Variants in ZNF609 observed in about 807,000 individuals in gnomAD.
The protein encoded by ZNF609 is zinc finger protein 609.
ZNF609 carries 11 observed loss-of-function variants against 109.5 expected under a neutral mutation model. The ratio of observed to expected loss-of-function variants is 0.10; its 90% CI spans 0.06 to 0.17. The LOEUF is 0.17. ZNF609 is among the 10% of genes least tolerant of loss of function. The probability of loss-of-function intolerance (pLI) is 1.00; values close to 1 mark genes in which losing one functional copy is unlikely to be tolerated. For synonymous variants in ZNF609, 646 were observed against 662.0 expected (o/e 0.98, Z 0.37); for missense variants, 1,559 against 1,772.4 (o/e 0.88, Z 2.16).
chr15:64,524,431 G>A (rs1038034609), intron 2 of ZNF609, among the ~76,000 whole-genome samples: 10 of 152,140 alleles, frequency 6.6e-5, no homozygotes, highest in Non-Finnish European at 1.0e-4. Flanking sequence ...GGGCGTGGTG[G>A]CACATGCCTG....
intron 5 of ZNF609, 21 bp from the exon 6 acceptor site, chr15:64,678,095 G>C: frequency 6.2e-7 from 1 of 1,603,500 alleles, no homozygotes; most frequent in Admixed American, 1.7e-5. Context: ...ACACCCAGTC[G>C]TTGTTCTGTG....
At chr15:64,676,317 A>G (rs201290863) in intron 5 of ZNF609, 61 bp downstream of exon 5, 1 of 1,494,964 alleles carries the variant, frequency 6.7e-7, no homozygotes, top group African/African-American at 1.4e-5. Flanking sequence ...CTTCCTCACA[A>G]ATAAGGGCTG....
chr15:64,489,331 A>G (rs1470811622), intron 1 of ZNF609, among the ~76,000 whole-genome samples: 1 of 151,428 alleles, frequency 6.6e-6, no homozygotes, highest in African/African-American at 2.4e-5. Context: ...GATTACAGGC[A>G]CCTGCCACCG....
chr15:64,463,096 T>C (rs1892965438), intron 1 of ZNF609, among the ~76,000 whole-genome samples: 1 of 151,922 alleles, frequency 6.6e-6, no homozygotes, highest in Non-Finnish European at 1.5e-5. Flanking sequence ...TCTACAAAAA[T>C]TTAAAAAAAT....
intron 2 of ZNF609, among the ~76,000 whole-genome samples, chr15:64,602,186 T>C (rs1895508287): frequency 6.6e-6 from 1 of 152,226 alleles, no homozygotes; most frequent in African/African-American, 2.4e-5. Flanking sequence ...CTAGAACTTC[T>C]TGCTAAGTTT....
At chr15:64,553,700 G>A (rs888721685) in intron 2 of ZNF609, among the ~76,000 whole-genome samples, 1 of 151,836 alleles carries the variant, frequency 6.6e-6, no homozygotes, top group African/African-American at 2.4e-5. Context: ...CTGGGTTCAC[G>A]CCATTCTCCT....
intron 2 of ZNF609, among the ~76,000 whole-genome samples, chr15:64,517,331 C>A (rs1284999108): frequency 6.6e-6 from 1 of 152,148 alleles, no homozygotes; most frequent in Admixed American, 6.5e-5. Context: ...GAGCCGAGAT[C>A]ATGCCACTGC....
At chr15:64,488,860 C>T (rs138656656) in intron 1 of ZNF609, among the ~76,000 whole-genome samples, 68 of 151,142 alleles carry the variant, frequency 4.5e-4, no homozygotes, top group Admixed American at 9.9e-4. Context: ...ATCTCTTGAA[C>T]GCAGGAGTTT....
chr15:64,624,808 G>A (rs1895927563), intron 3 of ZNF609, among the ~76,000 whole-genome samples: 1 of 142,342 alleles, frequency 7.0e-6, no homozygotes. Flanking sequence ...CACCCAGGCT[G>A]GAGTACAGTG....
intron 1 of ZNF609, among the ~76,000 whole-genome samples, chr15:64,491,577 G>A (rs1034721618): frequency 6.6e-6 from 1 of 152,140 alleles, no homozygotes; most frequent in South Asian, 2.1e-4. Context: ...TGCCGGGTGT[G>A]GTGGCTCACG....
chr15:64,597,690 C>T (rs1895420388), intron 2 of ZNF609, among the ~76,000 whole-genome samples: 1 of 152,150 alleles, frequency 6.6e-6, no homozygotes. Flanking sequence ...GTGGAAGATG[C>T]TGCTTGGTTC....
chr15:64,484,385 T>A (rs1893300964), intron 1 of ZNF609, among the ~76,000 whole-genome samples: 1 of 152,036 alleles, frequency 6.6e-6, no homozygotes, highest in African/African-American at 2.4e-5. Flanking sequence ...CCAGTAGAAA[T>A]TAAGAATCTT....
intron 2 of ZNF609, among the ~76,000 whole-genome samples, chr15:64,615,535 G>A (rs910244736): frequency 4.1e-5 from 6 of 146,402 alleles, no homozygotes; most frequent in Non-Finnish European, 9.0e-5. Context: ...TGCCCAGGCT[G>A]TAGTGCAATA....
chr15:64,487,564 A>G (rs1893350244), intron 1 of ZNF609, among the ~76,000 whole-genome samples: 1 of 151,038 alleles, frequency 6.6e-6, no homozygotes, highest in African/African-American at 2.4e-5. Context: ...CTCCCCAAGC[A>G]TGACCACTTT....
At chr15:64,460,247 C>G (rs1329344472), upstream of ZNF609, among the ~76,000 whole-genome samples, 3 of 152,064 alleles carry the variant, frequency 2.0e-5, no homozygotes. Flanking sequence ...TTATAAGGTG[C>G]AATACTCCCC....
At chr15:64,561,552 C>CTTTTTTT (rs771022478) in intron 2 of ZNF609, among the ~76,000 whole-genome samples, 15 of 129,888 alleles carry the variant, frequency 1.2e-4, no homozygotes, top group Non-Finnish European at 1.5e-4. Flanking sequence ...TTTTCTTTTT[C>CTTTTTTT]TTTTTTTTTT....
chr15:64,680,605 G>A (rs957175743), intron 7 of ZNF609, 41 bp from the exon 8 acceptor site: 1 of 1,495,738 alleles, frequency 6.7e-7, no homozygotes, highest in South Asian at 1.3e-5. Flanking sequence ...ATGCATATGT[G>A]TCTCACTATA....
At position 64,685,934 on chromosome 15, in the gene ZNF609, T is replaced by A. The variant is rs1024097451; in HGVS notation, c.*4248T>A. 4 of 152,248 alleles carry A rather than the reference T, an allele frequency of 2.6e-5. 1 individual carries two copies. Among genetic ancestry groups the A allele is most frequent in the African/African-American group, 7.2e-5 (3 of 41,460 alleles). The allele number at this position is 152,248 out of a possible 1,614,324, so 9.4% of individuals were successfully genotyped here. On this transcript the variant is annotated 3_prime_UTR_variant, in exon 10 of 10. Coordinates refer to ENST00000326648, the MANE Select transcript of ZNF609 (RefSeq NM_015042.2). ...ACCATTGTTTGGCCGCTTTCTCTTT[T>A]CCTCTACCTTCCTCATCCCCACTTT...
chr15:64,646,939 C>CAAAAAAAA (rs10628744), intron 3 of ZNF609, among the ~76,000 whole-genome samples: 2 of 59,780 alleles, frequency 3.3e-5, no homozygotes, highest in African/African-American at 1.4e-4. Context: ...GACTCTGTCT[C>CAAAAAAAA]AAAAAAAAAA....
Sources: allele counts gnomAD v4.1 joint callset (sites outside exome capture counted in the v4.1 genomes callset), GRCh38; gene constraint gnomAD v4.1.1; transcripts MANE v1.5; gene names NCBI Gene and HGNC (gene_info 2026-07-23, HGNC 2026-07-21).